FARS2: variants seen among roughly 807,000 people sequenced by gnomAD.
The protein encoded by FARS2 is phenylalanyl-tRNA synthetase 2, mitochondrial.
In FARS2, 40 loss-of-function variants were observed where a neutral mutation model predicts 46.4. The ratio of observed to expected loss-of-function variants is 0.86; its 90% CI spans 0.67 to 1.12. The LOEUF (loss-of-function observed/expected upper bound fraction) is 1.12, where lower values mean the gene tolerates loss of function less well. FARS2 is among the 50% of genes most tolerant of loss of function. The probability of loss-of-function intolerance (pLI) is 0.00; values close to 1 mark genes in which losing one functional copy is unlikely to be tolerated. For synonymous variants in FARS2, 234 were observed against 214.9 expected, an observed-to-expected ratio of 1.09 and a Z score of -0.78; for missense variants, 513 against 567.9, an observed-to-expected ratio of 0.90 and a Z score of 0.98.
intron 3 of FARS2, among the ~76,000 whole-genome samples, chr6:5,429,206 A>C (rs183776335): frequency 6.6e-6 from 1 of 152,158 alleles, no homozygotes; most frequent in South Asian, 2.1e-4. Context: ...CTGTGTCAAC[A>C]TTTGTCACAT....
intron 4 of FARS2, among the ~76,000 whole-genome samples, chr6:5,460,966 CTGTGTGTG>C (rs567577090): frequency 6.7e-6 from 1 of 149,236 alleles, no homozygotes; most frequent in Non-Finnish European, 1.5e-5. Context: ...CACACCAGGG[CTGTGTGTG>C]TGTGTGTGTG....
rs1776233429 is a variant in FARS2 at position 5,630,147 on chromosome 6, G to A, written c.1217+16827G>A. ...GGTGAATGTCTAGAACAGGTGAAGA[G>A]CAAGGTGAGGAAAGGACCCGAGGGA... On this transcript the variant is annotated intron_variant, in intron 6 of 6. Coordinates refer to ENST00000274680, the MANE Select transcript of FARS2 (RefSeq NM_006567.5). This position sits in a 1 kb window ranked among gnomAD's most constrained non-coding sequence, Gnocchi z 4.2. 6.6e-6 allele frequency among the ~76,000 whole-genome samples: 1 copy of A among 152,144 alleles called. No homozygotes were observed. The highest frequency in any genetic ancestry group is 2.4e-5 in the African/African-American group (1 of 41,420).
At chr6:5,597,557 A>G (rs946573359) in intron 5 of FARS2, among the ~76,000 whole-genome samples, 6 of 152,142 alleles carry the variant, frequency 3.9e-5, no homozygotes, top group Admixed American at 3.3e-4. Flanking sequence ...AGAGCCGGCC[A>G]TTTCTCCAGC....
chr6:5,536,703 T>C (rs1167596177), intron 4 of FARS2, among the ~76,000 whole-genome samples: 1 of 152,172 alleles, frequency 6.6e-6, no homozygotes, highest in Non-Finnish European at 1.5e-5. Flanking sequence ...CAAGTAAGGA[T>C]TTTACTCTGT....
At chr6:5,676,073 A>T (rs1778751409) in intron 6 of FARS2, among the ~76,000 whole-genome samples, 1 of 149,618 alleles carries the variant, frequency 6.7e-6, no homozygotes, top group South Asian at 2.2e-4. Context: ...AGGCTCATAT[A>T]AAAAAAAATA....
At chr6:5,295,993 C>G (rs747383213) in intron 1 of FARS2, among the ~76,000 whole-genome samples, 12 of 152,154 alleles carry the variant, frequency 7.9e-5, no homozygotes, top group Admixed American at 2.0e-4. Context: ...TTACTGTGTG[C>G]CAGGCGCATG....
chr6:5,279,589 T>A lies in FARS2; in HGVS notation c.-22+17929T>A, dbSNP rs559656217. Among the ~76,000 whole-genome samples the A allele has an allele frequency of 2.8e-4, 41 of 148,202 alleles. No individual in the cohort carries two copies. In the South Asian group the frequency reaches 8.0e-3, roughly 29 times the overall value. ...GTGTGTGTGTGTATATATATATATT[T>A]TATATATATATAAAATAAGGAAGAC... On this transcript the variant is annotated intron_variant, in intron 1 of 6. Coordinates refer to ENST00000274680, the MANE Select transcript of FARS2 (RefSeq NM_006567.5).
intron 1 of FARS2, among the ~76,000 whole-genome samples, chr6:5,362,181 C>T (rs1758346600): frequency 6.6e-6 from 1 of 152,084 alleles, no homozygotes; most frequent in Admixed American, 6.5e-5. Context: ...CAGCTGTATT[C>T]CAATAGTAAT....
chr6:5,498,410 G>T (rs771068037), intron 4 of FARS2, among the ~76,000 whole-genome samples: 20 of 151,992 alleles, frequency 1.3e-4, no homozygotes, highest in Non-Finnish European at 2.8e-4. Flanking sequence ...GAATCAGATC[G>T]GCCAAGTTAA....
chr6:5,565,258 A>C (rs949211771), intron 5 of FARS2, among the ~76,000 whole-genome samples: 1 of 152,214 alleles, frequency 6.6e-6, no homozygotes, highest in African/African-American at 2.4e-5. Flanking sequence ...GCAGTATTCC[A>C]AGCAAAAGTT....
chr6:5,519,001 AAT>A (rs1208896412), intron 4 of FARS2, among the ~76,000 whole-genome samples: 2 of 152,164 alleles, frequency 1.3e-5, no homozygotes, highest in African/African-American at 4.8e-5. Flanking sequence ...TTTTGCACAA[AAT>A]AGGTGATAAT....
In FARS2 at chr6:5,654,304, G is replaced by A. The variant is rs191018165; in HGVS notation, c.1217+40984G>A. ...TTTCCTCCTGGCAGACTGTGGGGTC[G>A]GATGCCTCTTCTCCAATTATCTCTG... On this transcript the variant is annotated intron_variant, in intron 6 of 6. Coordinates refer to ENST00000274680, the MANE Select transcript of FARS2 (RefSeq NM_006567.5). 1.7e-4 allele frequency among the ~76,000 whole-genome samples: 26 copies of A among 152,200 alleles called. 1 individual carries two copies. The East Asian group carries it at 1.7e-3, about 10-fold the overall frequency.
At chr6:5,553,100 C>G (rs1255275891) in intron 5 of FARS2, among the ~76,000 whole-genome samples, 1 of 152,176 alleles carries the variant, frequency 6.6e-6, no homozygotes, top group Non-Finnish European at 1.5e-5. Context: ...TGGTGGCTTA[C>G]AAGGTCAGCC....
intron 5 of FARS2, among the ~76,000 whole-genome samples, chr6:5,607,855 TAAAAG>T (rs1173191623): frequency 8.5e-5 from 13 of 152,068 alleles, no homozygotes; most frequent in African/African-American, 3.1e-4. Flanking sequence ...AATCAGCAGA[TAAAAG>T]AAAGGATATA....
chr6:5,660,453 C>T (rs1388488724), intron 6 of FARS2, among the ~76,000 whole-genome samples: 1 of 151,964 alleles, frequency 6.6e-6, no homozygotes, highest in African/African-American at 2.4e-5. Context: ...TGAGACCAGC[C>T]TGGGCAATAT....
At chr6:5,262,282 C>CTTTTTTTTTTTTTTTTTTTTTTT (rs1765214282) in intron 1 of FARS2, among the ~76,000 whole-genome samples, 1 of 151,926 alleles carries the variant, frequency 6.6e-6, no homozygotes, top group African/African-American at 2.4e-5. Flanking sequence ...TTTCTGTTTC[C>CTTTTTTTTTTTTTTTTTTTTTTT]TTTTCTTTTT....
At chr6:5,385,953 G>C (rs1447265307) in intron 2 of FARS2, among the ~76,000 whole-genome samples, 5 of 152,086 alleles carry the variant, frequency 3.3e-5, no homozygotes, top group Non-Finnish European at 7.4e-5. Context: ...GATATAGATT[G>C]CCTTTGTGTT....
intron 3 of FARS2, among the ~76,000 whole-genome samples, chr6:5,423,287 T>C (rs996662801): frequency 1.3e-5 from 2 of 151,914 alleles, no homozygotes; most frequent in African/African-American, 4.8e-5. Context: ...ACGGGAGTGA[T>C]CACTTACCCT....
rs572262599 is a variant in FARS2, at chr6:5,587,986, G to A, written c.1066-25183G>A. On this transcript the variant is annotated intron_variant, in intron 5 of 6. Transcript: ENST00000274680. ...TTTTAAGATAGGTAAAACCCTGACTGTGGTGGGAATGGGAGGTGGGAGAAG... is the reference window on the plus strand; with the variant it reads ...TTTTAAGATAGGTAAAACCCTGACTATGGTGGGAATGGGAGGTGGGAGAAG... Among the ~76,000 whole-genome samples, 21 of 152,276 alleles carry A rather than the reference G, an allele frequency of 1.4e-4. No homozygotes were observed. In the East Asian group the frequency reaches 4.0e-3, roughly 29 times the overall value.
Sources: gnomAD v4.1 joint callset for allele counts (sites outside exome capture counted in the v4.1 genomes callset) on GRCh38, gnomAD v4.1.1 for gene constraint, Gnocchi (gnomAD v3.1) non-coding constraint, MANE v1.5 for transcripts, NCBI Gene and HGNC (gene_info 2026-07-23, HGNC 2026-07-21) for gene names.